The following GNL3 variants were observed in gnomAD, a reference collection of about 807,000 sequenced individuals.
GNL3 encodes the protein G protein nucleolar 3, also known as guanine nucleotide-binding protein-like 3.
Under a neutral mutation model 70.6 loss-of-function variants are expected in GNL3, and 77 were observed. The observed-to-expected ratio is 1.09, with a 90% CI of 0.91 to 1.32. GNL3 has a LOEUF of 1.32. Ranked by LOEUF, GNL3 falls within the 40% of genes most tolerant of loss-of-function variation. The pLI is 0.00. For synonymous variants in GNL3, 252 were observed against 216.1 expected (o/e 1.17, Z -1.46); for missense variants, 634 against 644.0 (o/e 0.98, Z 0.17).
chr3:52,691,606 T>C lies in GNL3; in HGVS notation c.846T>C (p.Val282=). The change falls in exon 9 of 15, where the codon GTT becomes GTC. Residue 282 remains valine, a synonymous_variant. Transcript: ENST00000418458. The part of the protein sequence containing the change: ...NSLKQEQMCN[V]GVSMGLTRSM... ...TAAAACAAGAACAGATGTGTAATGTTGGTGTATCCATGGGGCTTACAAGGT... is the reference window on the plus strand; with the variant it reads ...TAAAACAAGAACAGATGTGTAATGTCGGTGTATCCATGGGGCTTACAAGGT... The C allele has an allele frequency of 6.3e-7, 1 of 1,592,120 alleles. No individual in the cohort carries two copies. Among genetic ancestry groups the C allele is most frequent in the Non-Finnish European group, 8.6e-7 (1 of 1,160,144 alleles).
In GNL3 at chr3:52,686,064, A is replaced by T. The variant is rs1108842; in HGVS notation, c.-29A>T. ...ACGTGGCGCCAGCGGAGGCAGGTTG[A>T]TGTGTTTGTGCTTCCTTCTACAGCC... is the stretch of plus-strand genomic sequence containing the variant. On this transcript the variant is annotated 5_prime_UTR_variant, in exon 1 of 15. It removes an upstream start codon present in the reference 5' UTR. Coordinates refer to ENST00000418458, the MANE Select transcript of GNL3 (RefSeq NM_014366.5). The T allele has an allele frequency of 1.0e-6, 1 of 1,001,912 alleles. No individual in the cohort carries two copies. 62.1% of individuals were successfully genotyped at this position (1,001,912 alleles called of 1,614,324 possible). A position where few individuals can be genotyped will look rare whatever the true frequency, so the allele number is the denominator to read the frequency against.
At chr3:52,691,349 G>A in intron 8 of GNL3, 193 bp from the exon 9 acceptor site, 1 of 613,312 alleles carries the variant, frequency 1.6e-6, no homozygotes, top group African/African-American at 1.9e-5. Context: ...TGAATTTATA[G>A]TATTTTCCTG....
chr3:52,689,942 G>A (rs1036370458), intron 6 of GNL3, among the ~76,000 whole-genome samples: 3 of 152,080 alleles, frequency 2.0e-5, no homozygotes, highest in Non-Finnish European at 4.4e-5. Context: ...ACAACACTTC[G>A]TCTCAAAAAT....
chr3:52,690,977 C>T lies in GNL3; in HGVS notation c.687C>T (p.Phe229=), dbSNP rs752705548. The T allele has an allele frequency of 6.2e-7, 1 of 1,613,632 alleles. No individual in the cohort carries two copies. Among genetic ancestry groups the T allele is most frequent in the African/African-American group, 1.3e-5 (1 of 74,912 alleles). ...AGGCAAAGAAGAATGCTGCTCCATTCAGAAGTGAAGTCTGCTTTGGGAAAG... is the reference window on the plus strand; with the variant it reads ...AGGCAAAGAAGAATGCTGCTCCATTTAGAAGTGAAGTCTGCTTTGGGAAAG... The part of the protein sequence containing the change: ...RVKAKKNAAP[F]RSEVCFGKEG... Residue 229 remains phenylalanine, a synonymous_variant, in exon 8 of 15, where the codon TTC becomes TTT. Coordinates refer to ENST00000418458, the MANE Select transcript of GNL3 (RefSeq NM_014366.5).
chr3:52,692,503 A>G (rs553128615), intron 9 of GNL3, among the ~76,000 whole-genome samples: 86 of 150,892 alleles, frequency 5.7e-4, no homozygotes, highest in African/African-American at 2.0e-3. Context: ...TTTAGTAGAG[A>G]CAGGGCTTTC....
Position 52,694,457 on chromosome 3 carries a change from G to C in GNL3, c.*182G>C, listed in dbSNP as rs895352983. 2 of 581,870 alleles carry C rather than the reference G, an allele frequency of 3.4e-6. No individual in the cohort carries two copies. The highest frequency in any genetic ancestry group is 6.1e-6 in the Non-Finnish European group (2 of 328,174). 36.0% of individuals were successfully genotyped at this position (581,870 alleles called of 1,614,324 possible). Reference sequence around the variant, plus strand: ...ACAATTCATCTCATTGTGAGTGGAAGTAGTTATCTGGAATAAAAAAAGAAG... The same window carrying C: ...ACAATTCATCTCATTGTGAGTGGAACTAGTTATCTGGAATAAAAAAAGAAG... On this transcript the variant is annotated 3_prime_UTR_variant, in exon 15 of 15. Transcript: ENST00000418458.
At position 52,693,708 on chromosome 3, in the gene GNL3, G is replaced by C. The variant is rs766705801; in HGVS notation, c.1401G>C (p.Lys467Asn). 6.2e-7 allele frequency: 1 copy of C among 1,613,862 alleles called. No homozygotes were observed. The highest frequency in any genetic ancestry group is 1.3e-5 in the African/African-American group (1 of 74,886). The change falls in exon 13 of 15, where the codon AAG becomes AAC. Residue 467 changes from lysine (K) to asparagine (N), a missense_variant. Coordinates refer to ENST00000418458, the MANE Select transcript of GNL3 (RefSeq NM_014366.5). The part of the protein sequence containing the change: ...SGLTNGIIEE[K>N]DIHEELPKRK... ...TGACAAATGGAATAATAGAAGAAAA[G>C]GACATACATGAAGAATTGCCAAAAC...
Position 52,691,020 on chromosome 3 carries a change from C to G in GNL3, c.730C>G (p.Leu244Val). ...TGGGAAAGAGGGCCTTTGGAAACTTCTTGGAGGTTTTCAGGAAACTTGCAG... is the reference window on the plus strand; with the variant it reads ...TGGGAAAGAGGGCCTTTGGAAACTTGTTGGAGGTTTTCAGGAAACTTGCAG... ...CFGKEGLWKL[L>V]GGFQETCSKA... Residue 244 changes from leucine (L) to valine (V), a missense_variant, in exon 8 of 15, where the codon CTT becomes GTT. By Grantham distance (32) the Leu-to-Val change is conservative. Coordinates refer to ENST00000418458, the MANE Select transcript of GNL3 (RefSeq NM_014366.5). 1.2e-6 allele frequency: 2 copies of G among 1,613,856 alleles called. No individual in the cohort carries two copies. Among genetic ancestry groups the G allele is most frequent in the Non-Finnish European group, 1.7e-6 (2 of 1,179,788 alleles).
chr3:52,689,359 G>C lies in GNL3; in HGVS notation c.541+153G>C, dbSNP rs1401175187. On this transcript the variant is annotated intron_variant, in intron 6 of 14. Transcript: ENST00000418458. Reference sequence around the variant, plus strand: ...CAGAGACAGTGCTAGGCAGTGGGGAGCCAGGTGACTTTTACAACTGACTCA... The same window carrying C: ...CAGAGACAGTGCTAGGCAGTGGGGACCCAGGTGACTTTTACAACTGACTCA... The C allele has an allele frequency of 1.5e-5, 12 of 787,212 alleles. No homozygotes were observed. The Admixed American group carries it at 2.1e-4, about 14-fold the overall frequency. The allele number at this position is 787,212 out of a possible 1,614,324, so 48.8% of individuals were successfully genotyped here.
In GNL3 at chr3:52,690,806, C is replaced by T. The variant is rs148418190; in HGVS notation, c.654+102C>T. The T allele has an allele frequency of 1.4e-3, 1,619 of 1,156,404 alleles. 1 individual carries two copies. The highest frequency in any genetic ancestry group is 1.8e-3 in the Admixed American group (96 of 53,190). The allele number at this position is 1,156,404 out of a possible 1,614,324, so 71.6% of individuals were successfully genotyped here. A position where few individuals can be genotyped will look rare whatever the true frequency, so the allele number is the denominator to read the frequency against. ...TTAAGTGAATGAAAAATTACAAGAT[C>T]CAACTCTGATTTCAGCCAGAGATCA... is the stretch of plus-strand genomic sequence containing the variant. On this transcript the variant is annotated intron_variant, in intron 7 of 14. Transcript: ENST00000418458.
chr3:52,689,809 G>A (rs1265658628), intron 6 of GNL3, among the ~76,000 whole-genome samples: 5 of 152,112 alleles, frequency 3.3e-5, no homozygotes, highest in South Asian at 2.1e-4. Flanking sequence ...AATATTAGCC[G>A]GGCATGATGA....
Position 52,690,679 on chromosome 3 carries a change from C to G in GNL3, c.629C>G (p.Pro210Arg). The change falls in exon 7 of 15, where the codon CCA becomes CGA. Residue 210 changes from proline (P) to arginine (R), a missense_variant. Transcript: ENST00000418458. Reference protein sequence around the residue: ...PTVVFRASTKPKDKGKITKRV... With the variant: ...PTVVFRASTKRKDKGKITKRV... ...GTGGTGTTCAGAGCCTCAACAAAAC[C>G]AAAGGATAAAGGGAAGATAACCAAG... The G allele has an allele frequency of 6.3e-7, 1 of 1,595,056 alleles. No individual in the cohort carries two copies. The highest frequency in any genetic ancestry group is 8.6e-7 in the Non-Finnish European group (1 of 1,162,814).
Position 52,693,510 on chromosome 3 carries a change from A to G in GNL3, c.1290A>G (p.Glu430=), listed in dbSNP as rs2097329415. The change falls in exon 12 of 15, where the codon GAA becomes GAG. Residue 430 remains glutamate (E), a synonymous_variant. Transcript: ENST00000418458. The part of the protein sequence containing the change: ...VVDMKSGFNL[E]ELEKNNAQSI... ...ACATGAAAAGCGGCTTCAATCTGGA[A>G]GAACTGGAAAAGAACAATGCACAGA... is the stretch of plus-strand genomic sequence containing the variant. 1 of 1,614,108 alleles carries G rather than the reference A, an allele frequency of 6.2e-7. No individual in the cohort carries two copies. Among genetic ancestry groups the G allele is most frequent in the African/African-American group, 1.3e-5 (1 of 74,938 alleles).
Position 52,692,965 on chromosome 3 carries a change from T to C in GNL3, c.963T>C (p.Ala321=). ...CACTTAATTCCTCCTCTGCGCTTGCTCTGCGAAGTCCAGCAAGTATTGAAG... is the reference window on the plus strand; with the variant it reads ...CACTTAATTCCTCCTCTGCGCTTGCCCTGCGAAGTCCAGCAAGTATTGAAG... ...VSPLNSSSAL[A]LRSPASIEVV... The change falls in exon 10 of 15, where the codon GCT becomes GCC. Residue 321 remains alanine (A), a synonymous_variant. Transcript: ENST00000418458. 6.2e-7 allele frequency: 1 copy of C among 1,613,982 alleles called. No individual in the cohort carries two copies. The highest frequency in any genetic ancestry group is 8.5e-7 in the Non-Finnish European group (1 of 1,179,808).
intron 7 of GNL3, 67 bp downstream of exon 7, chr3:52,690,771 A>C: frequency 8.5e-7 from 1 of 1,171,854 alleles, no homozygotes; most frequent in East Asian, 2.3e-5. Flanking sequence ...TGAGTGTACA[A>C]AATCTTGATT....
At chr3:52,686,727 T>C in intron 1 of GNL3, 42 bp from the exon 2 acceptor site, 3 of 1,427,908 alleles carry the variant, frequency 2.1e-6, no homozygotes, top group Non-Finnish European at 3.0e-6. Flanking sequence ...AACCCAGAAC[T>C]AATCATTTGG....
At chr3:52,688,528 C>T (rs2154099476) in intron 5 of GNL3, among the ~76,000 whole-genome samples, 1 of 152,236 alleles carries the variant, frequency 6.6e-6, no homozygotes, top group East Asian at 1.9e-4. Context: ...AAAACTGGTT[C>T]TGCCTGTAAG....
chr3:52,686,749 T>A lies in GNL3; in HGVS notation c.14-20T>A. The A allele has an allele frequency of 1.9e-6, 3 of 1,581,228 alleles. No homozygotes were observed. The South Asian group carries it at 3.3e-5, about 17-fold the overall frequency. On this transcript the variant is annotated intron_variant, in intron 1 of 14. Coordinates refer to ENST00000418458, the MANE Select transcript of GNL3 (RefSeq NM_014366.5). Reference sequence around the variant, plus strand: ...AACTAATCATTTGGGTTAACAGATTTGTGATGTGTTTCTTTGTAGAGTTAA... The same window carrying A: ...AACTAATCATTTGGGTTAACAGATTAGTGATGTGTTTCTTTGTAGAGTTAA...
At chr3:52,687,675 T>TG in intron 4 of GNL3, 60 bp downstream of exon 4, 1 of 989,392 alleles carries the variant, frequency 1.0e-6, no homozygotes, top group South Asian at 1.4e-5. Context: ...TTTTTTTGCT[T>TG]GGGCCTGAGT....
Sources: allele counts gnomAD v4.1 joint callset (sites outside exome capture counted in the v4.1 genomes callset), GRCh38; gene constraint gnomAD v4.1.1; transcripts MANE v1.5; gene names NCBI Gene and HGNC (gene_info 2026-07-23, HGNC 2026-07-21).